Variants in GRK5 observed in about 807,000 individuals in gnomAD.
The protein encoded by GRK5 is g protein-coupled receptor kinase GRK5.
Under a neutral mutation model 78.4 loss-of-function variants are expected in GRK5, and 40 were observed. The ratio of observed to expected loss-of-function variants is 0.51; its 90% CI spans 0.40 to 0.66. GRK5 has a LOEUF of 0.66. GRK5 is among the 30% of genes least tolerant of loss of function. The pLI, the probability that GRK5 is intolerant of heterozygous loss-of-function variation, is 0.00. For missense variants in GRK5, 598 were observed against 759.9 expected, an observed-to-expected ratio of 0.79 and a Z score of 2.50; for synonymous variants, 289 against 296.8, an observed-to-expected ratio of 0.97 and a Z score of 0.27.
At chr10:119,226,313 A>ATT (rs746259846) in intron 1 of GRK5, among the ~76,000 whole-genome samples, 17 of 108,808 alleles carry the variant, frequency 1.6e-4, no homozygotes, top group African/African-American at 2.4e-4. Context: ...TTTAATTTTA[A>ATT]TTTTTTTTTT....
rs752343965 is a variant in GRK5 at position 119,394,857 on chromosome 10, ATG to A, written c.262-1835_262-1834del. On this transcript the variant is annotated intron_variant, in intron 3 of 15. Coordinates refer to ENST00000392870, the MANE Select transcript of GRK5 (RefSeq NM_005308.3). ...TCTGTGGGCACGTGTGTGTGCACAC[ATG>A]TGCACTCAGGTTTAGGAGAGCGACA... 6.3e-4 allele frequency among the ~76,000 whole-genome samples: 89 copies of A among 140,988 alleles called. 5 individuals are homozygous for A. The highest frequency in any genetic ancestry group is 9.0e-5 in the Non-Finnish European group (6 of 66,322). 92.5% of individuals were successfully genotyped at this position (140,988 alleles called of 152,430 possible).
chr10:119,386,134 T>C (rs887581246), intron 3 of GRK5, among the ~76,000 whole-genome samples: 2 of 152,196 alleles, frequency 1.3e-5, no homozygotes, highest in African/African-American at 4.8e-5. Flanking sequence ...ATCTGCCTGC[T>C]TTGGCCTCCC....
intron 3 of GRK5, among the ~76,000 whole-genome samples, chr10:119,394,294 C>CCA: frequency 2.5e-4 from 1 of 4,030 alleles, no homozygotes; most frequent in South Asian, 0.012. Flanking sequence ...GGGTGTGTAT[C>CCA]TGTGTGTCTG....
chr10:119,421,994 C>T (rs924613299), intron 4 of GRK5, among the ~76,000 whole-genome samples: 2 of 152,200 alleles, frequency 1.3e-5, no homozygotes, highest in African/African-American at 2.4e-5. Context: ...GGACTCTTAG[C>T]AAATCAGCCC....
At chr10:119,214,004 C>G (rs536686660) in intron 1 of GRK5, among the ~76,000 whole-genome samples, 1 of 152,266 alleles carries the variant, frequency 6.6e-6, no homozygotes, top group Middle Eastern at 3.4e-3. Context: ...GAGACAGAGT[C>G]TGCTCTGTCG....
At chr10:119,232,013 A>G (rs991680615) in intron 1 of GRK5, among the ~76,000 whole-genome samples, 1 of 152,244 alleles carries the variant, frequency 6.6e-6, no homozygotes, top group Non-Finnish European at 1.5e-5. Flanking sequence ...AAGTGCATCA[A>G]AGAGACATCT....
chr10:119,356,534 T>C (rs1455690028), intron 2 of GRK5, among the ~76,000 whole-genome samples: 2 of 152,252 alleles, frequency 1.3e-5, no homozygotes, highest in Admixed American at 6.5e-5. Context: ...TAGAGTCTTG[T>C]TTGTCTATCT....
intron 1 of GRK5, among the ~76,000 whole-genome samples, chr10:119,320,126 G>T (rs1425242718): frequency 1.3e-5 from 2 of 152,222 alleles, no homozygotes; most frequent in Non-Finnish European, 2.9e-5. Context: ...ATGCCTGTAG[G>T]GTCGGAGTGG....
At chr10:119,425,147 A>T (rs1664886945) in intron 6 of GRK5, 62 bp downstream of exon 6, 2 of 1,231,080 alleles carry the variant, frequency 1.6e-6, no homozygotes, top group Admixed American at 3.4e-5. Flanking sequence ...TCATCTGAGA[A>T]TTCATATAAA....
At chr10:119,280,873 G>A (rs748241838) in intron 1 of GRK5, among the ~76,000 whole-genome samples, 4 of 151,044 alleles carry the variant, frequency 2.6e-5, no homozygotes, top group African/African-American at 7.3e-5. Flanking sequence ...TCTGCCTCCC[G>A]GGTTCAAGCA....
intron 4 of GRK5, among the ~76,000 whole-genome samples, chr10:119,408,447 C>T (rs1464720655): frequency 6.6e-6 from 1 of 151,314 alleles, no homozygotes; most frequent in Non-Finnish European, 1.5e-5. Context: ...TGGCAACAAC[C>T]AAAGTATCCA....
Position 119,430,441 on chromosome 10 carries a change from G to C in GRK5, c.597+3G>C. The stretch of plus-strand genomic sequence containing the variant: ...TAGGAAAAGGGGGCTTCGGGGAGGT[G>C]AGTGAACATTCACGTTTTTAATTGA... On this transcript the variant is annotated splice_donor_region_variant and intron_variant, in intron 7 of 15. Coordinates refer to ENST00000392870, the MANE Select transcript of GRK5 (RefSeq NM_005308.3). The surrounding 1 kb of genome is among the most constrained non-coding windows in gnomAD (Gnocchi z 4.5). 6.2e-7 allele frequency: 1 copy of C among 1,610,034 alleles called. No homozygotes were observed. Among genetic ancestry groups the C allele is most frequent in the Non-Finnish European group, 8.5e-7 (1 of 1,178,126 alleles).
At chr10:119,313,744 A>G (rs1850436622) in intron 1 of GRK5, among the ~76,000 whole-genome samples, 1 of 152,086 alleles carries the variant, frequency 6.6e-6, no homozygotes, top group African/African-American at 2.4e-5. Flanking sequence ...GGGTCACACC[A>G]GAGTGCTCCT....
intron 9 of GRK5, 151 bp downstream of exon 9, chr10:119,436,992 C>T (rs1283220276): frequency 2.8e-5 from 21 of 761,966 alleles, no homozygotes; most frequent in Non-Finnish European, 4.3e-5. Flanking sequence ...CTTTCCACTC[C>T]AGGAAGCTGG....
intron 10 of GRK5, among the ~76,000 whole-genome samples, chr10:119,441,638 G>A (rs1056897169): frequency 3.3e-5 from 5 of 152,236 alleles, no homozygotes; most frequent in African/African-American, 1.2e-4. Context: ...CATAATGCCA[G>A]AAGAACCTCA....
At chr10:119,344,426 G>T (rs1014640479) in intron 2 of GRK5, among the ~76,000 whole-genome samples, 28 of 152,132 alleles carry the variant, frequency 1.8e-4, no homozygotes, top group African/African-American at 6.5e-4. Flanking sequence ...GAGAACATGC[G>T]GTGTTTGGTT....
chr10:119,290,796 C>A (rs7097630), intron 1 of GRK5, among the ~76,000 whole-genome samples: 116,913 of 151,734 alleles, frequency 0.77, 45,174 homozygotes, highest in East Asian at 0.94. Context: ...CTGCTCACAT[C>A]GGTCCTGCAA....
At chr10:119,278,242 G>T (rs1438101767) in intron 1 of GRK5, among the ~76,000 whole-genome samples, 1 of 151,984 alleles carries the variant, frequency 6.6e-6, no homozygotes, top group South Asian at 2.1e-4. Flanking sequence ...GCTCCTATGT[G>T]CCCGTCTCCA....
intron 10 of GRK5, 93 bp downstream of exon 10, chr10:119,439,861 C>G (rs994050903): frequency 8.4e-5 from 102 of 1,221,068 alleles, no homozygotes; most frequent in Non-Finnish European, 1.2e-4. Flanking sequence ...GCTGGGGAAG[C>G]TGACCACGGG....
Sources: allele counts gnomAD v4.1 joint callset (sites outside exome capture counted in the v4.1 genomes callset), GRCh38; gene constraint gnomAD v4.1.1; non-coding constraint Gnocchi (gnomAD v3.1); transcripts MANE v1.5; gene names NCBI Gene and HGNC (gene_info 2026-07-23, HGNC 2026-07-21).